MGST1: variants seen among roughly 807,000 people sequenced by gnomAD.
The protein encoded by MGST1 is microsomal glutathione S-transferase 1, also known as glutathione S-transferase 12.
In MGST1, 5 loss-of-function variants were observed where a neutral mutation model predicts 8.9. The observed-to-expected ratio is 0.56, with a 90% CI of 0.29 to 1.19. The LOEUF (loss-of-function observed/expected upper bound fraction) is 1.19, where lower values mean the gene tolerates loss of function less well. MGST1 is among the 50% of genes most tolerant of loss of function. MGST1 has a pLI of 0.08. For synonymous variants in MGST1, 54 were observed against 67.8 expected (o/e 0.80, Z 1.00); for missense variants, 182 against 187.4 (o/e 0.97, Z 0.17).
At chr12:16,539,824 A>G (rs956053329) in intron 4 of MGST1, among the ~76,000 whole-genome samples, 2 of 152,210 alleles carry the variant, frequency 1.3e-5, no homozygotes, top group African/African-American at 2.4e-5. Context: ...CAAAGTACAC[A>G]CATACATATA....
intron 4 of MGST1, among the ~76,000 whole-genome samples, chr12:16,493,029 T>A (rs1941449465): frequency 6.6e-6 from 1 of 152,182 alleles, no homozygotes; most frequent in African/African-American, 2.4e-5. Flanking sequence ...AATGCACATG[T>A]GAGTAGGCTA....
chr12:16,389,001 G>A lies in MGST1; in HGVS notation n.778+5397G>A, dbSNP rs1162290101. On this transcript the variant is annotated intron_variant and non_coding_transcript_variant, in intron 1 of 1. Transcript: ENST00000359720. The surrounding 1 kb of genome is among the most constrained non-coding windows in gnomAD (Gnocchi z 4.6). Reference sequence around the variant, plus strand: ...GAAGCAACAGCAATAGAGAAGGAATGCTTCTTGAAGTTCAGCTTCTGAACC... The same window carrying A: ...GAAGCAACAGCAATAGAGAAGGAATACTTCTTGAAGTTCAGCTTCTGAACC... Among the ~76,000 whole-genome samples, 3 of 152,224 alleles carry A rather than the reference G, an allele frequency of 2.0e-5. No homozygotes were observed. Among genetic ancestry groups the A allele is most frequent in the African/African-American group, 4.8e-5 (2 of 41,444 alleles).
chr12:16,499,157 A>G (rs1016631948), intron 4 of MGST1, among the ~76,000 whole-genome samples: 3 of 152,226 alleles, frequency 2.0e-5, no homozygotes, highest in African/African-American at 7.2e-5. Context: ...TTTCTTTAAC[A>G]TAGGTACAAT....
At chr12:16,380,798 G>C (rs1376590167), downstream of MGST1, among the ~76,000 whole-genome samples, 2 of 152,052 alleles carry the variant, frequency 1.3e-5, no homozygotes, top group Non-Finnish European at 1.5e-5. Flanking sequence ...GTAGGTCACT[G>C]ATGACTTGCT....
At chr12:16,368,568 A>G (rs976350519), downstream of MGST1, among the ~76,000 whole-genome samples, 4 of 152,162 alleles carry the variant, frequency 2.6e-5, no homozygotes, top group Non-Finnish European at 5.9e-5. Context: ...TATTCACTAT[A>G]TATTCTATGT....
intron 2 of MGST1, among the ~76,000 whole-genome samples, chr12:16,356,872 T>C (rs9332911): frequency 8.5e-4 from 129 of 152,346 alleles, no homozygotes; most frequent in Non-Finnish European, 1.8e-3. Context: ...TTGCCTGTTC[T>C]CTAAAACCTT....
chr12:16,357,748 C>T, intron 3 of MGST1, 49 bp downstream of exon 3: 2 of 1,520,056 alleles, frequency 1.3e-6, no homozygotes, highest in Non-Finnish European at 1.8e-6. Flanking sequence ...CAATTTTGGT[C>T]AAGGAGTTCA....
chr12:16,415,393 A>G (rs912291329), intron 1 of MGST1, among the ~76,000 whole-genome samples: 84 of 152,166 alleles, frequency 5.5e-4, no homozygotes, highest in Admixed American at 3.9e-4. Flanking sequence ...ACTTTGAACA[A>G]CAGGAGTTTA....
At chr12:16,475,820 A>C (rs1428599139) in intron 4 of MGST1, among the ~76,000 whole-genome samples, 1 of 152,138 alleles carries the variant, frequency 6.6e-6, no homozygotes, top group East Asian at 1.9e-4. Context: ...TTATTTACTG[A>C]GCATCTACTA....
rs1828682 is a variant in MGST1 at position 16,362,077 on chromosome 12, T to C, written c.222-1718T>C. On this transcript the variant is annotated intron_variant, in intron 3 of 3. Transcript: ENST00000396210. This position sits in a 1 kb window ranked among gnomAD's most constrained non-coding sequence, Gnocchi z 4.4. ...CCTTAAAATGTCTGTCCTTTTGGCA[T>C]GTTGTGAAGGAGAACACTAACGTGC... Among the ~76,000 whole-genome samples the C allele has an allele frequency of 0.33, 50,929 of 152,098 alleles. 10,993 individuals carry two copies. The highest frequency in any genetic ancestry group is 0.47 in the Non-Finnish European group (32,248 of 67,962).
At chr12:16,383,297 C>T (rs956738566) in exon 1 of MGST1, 1 of 152,296 alleles carries the variant, frequency 6.6e-6, no homozygotes, top group African/African-American at 2.4e-5. Context: ...TCTCTCTGAG[C>T]TAATACTTTT....
chr12:16,396,881 A>T (rs1384089659), intron 1 of MGST1, among the ~76,000 whole-genome samples: 1 of 152,182 alleles, frequency 6.6e-6, no homozygotes, highest in Non-Finnish European at 1.5e-5. Flanking sequence ...CTACAAATTC[A>T]ATGCAATTCC....
chr12:16,364,824 A>G (rs541948237), downstream of MGST1, among the ~76,000 whole-genome samples: 4 of 152,186 alleles, frequency 2.6e-5, no homozygotes, highest in South Asian at 6.2e-4. The surrounding 1 kb of genome is among the most constrained non-coding windows in gnomAD (Gnocchi z 5.7). Context: ...GCCTTCTGTT[A>G]TCATTTCTAT....
chr12:16,554,289 A>G (rs1279436647), intron 4 of MGST1, among the ~76,000 whole-genome samples: 1 of 152,202 alleles, frequency 6.6e-6, no homozygotes, highest in Non-Finnish European at 1.5e-5. Context: ...AGAAATAAAA[A>G]TGTTAGCCTA....
intron 4 of MGST1, among the ~76,000 whole-genome samples, chr12:16,478,222 G>T (rs556597487): frequency 2.6e-5 from 4 of 152,218 alleles, no homozygotes; most frequent in South Asian, 2.1e-4. Context: ...CAGAGACGGG[G>T]TTTCACCATG....
At chr12:16,552,681 T>C (rs950858609) in intron 4 of MGST1, among the ~76,000 whole-genome samples, 16 of 152,126 alleles carry the variant, frequency 1.1e-4, no homozygotes, top group African/African-American at 3.6e-4. Context: ...CCAGGATTAC[T>C]GCCTGCTGAT....
chr12:16,437,720 A>G (rs1384262534), exon 2 of MGST1: 2 of 152,068 alleles, frequency 1.3e-5, no homozygotes, highest in African/African-American at 4.8e-5. Flanking sequence ...GCCCTGAGGC[A>G]AGAAATCACA....
At chr12:16,402,171 A>C in intron 1 of MGST1, 1 of 1,570,140 alleles carries the variant, frequency 6.4e-7, no homozygotes, top group Non-Finnish European at 8.8e-7. Flanking sequence ...TTGTTTCAAA[A>C]ACTCCACTTT....
At position 16,449,292 on chromosome 12, in the gene MGST1, G is replaced by C. The variant is rs530073373; in HGVS notation, n.482+65688G>C. ...TAGCAAGAGCAGAGCAAGAGCAAGA[G>C]TAGAGAGGTGCCATACACTTTTAAG... On this transcript the variant is annotated intron_variant and non_coding_transcript_variant, in intron 4 of 4. Transcript: ENST00000538857. 4.6e-5 allele frequency among the ~76,000 whole-genome samples: 7 copies of C among 151,990 alleles called. No individual in the cohort carries two copies. In the South Asian group the frequency reaches 8.3e-4, roughly 18 times the overall value.
Sources: gnomAD v4.1 joint callset for allele counts (sites outside exome capture counted in the v4.1 genomes callset) on GRCh38, gnomAD v4.1.1 for gene constraint, Gnocchi (gnomAD v3.1) non-coding constraint, MANE v1.5 for transcripts, NCBI Gene and HGNC (gene_info 2026-07-23, HGNC 2026-07-21) for gene names.